Variants in CNOT11 observed in about 807,000 individuals in gnomAD.
CNOT11 encodes the protein UPF0760 protein C2orf29.
Under a neutral mutation model 44.6 loss-of-function variants are expected in CNOT11, and 18 were observed. The ratio of observed to expected loss-of-function variants is 0.40; its 90% confidence interval spans 0.28 to 0.60. The LOEUF (loss-of-function observed/expected upper bound fraction) is 0.60, where lower values mean the gene tolerates loss of function less well. CNOT11 is among the 20% of genes least tolerant of loss of function. The probability of loss-of-function intolerance (pLI) is 0.38; values close to 1 mark genes in which losing one functional copy is unlikely to be tolerated. For missense variants in CNOT11, 513 were observed against 677.0 expected (o/e 0.76, Z 2.69); for synonymous variants, 291 against 270.9 (o/e 1.07, Z -0.73).
In CNOT11 at chr2:101,267,509, C is replaced by CTG. The variant is rs370036516; in HGVS notation, c.1238+632_1238+633dup. On this transcript the variant is annotated intron_variant, in intron 5 of 6. Transcript: ENST00000289382. ...ACTATTTTTTCTTAGTGACTAACAG[C>CTG]TGTAAGTGTGGAAAAATATGGACCT... 5.9e-3 allele frequency among the ~76,000 whole-genome samples: 903 copies of CTG among 152,174 alleles called. 14 individuals carry two copies. The highest frequency in any genetic ancestry group is 0.039 in the South Asian group (188 of 4,820).
intron 2 of CNOT11, among the ~76,000 whole-genome samples, chr2:101,259,547 C>A (rs1681805963): frequency 1.3e-5 from 2 of 152,204 alleles, no homozygotes; most frequent in Admixed American, 1.3e-4. Context: ...AGCAACTCAA[C>A]AGGGAAATTG....
intron 3 of CNOT11, among the ~76,000 whole-genome samples, chr2:101,263,378 A>G (rs1434476581): frequency 6.6e-6 from 1 of 152,182 alleles, no homozygotes; most frequent in Admixed American, 6.5e-5. Context: ...ATTCAAAGAA[A>G]ACACTTGTAG....
intron 2 of CNOT11, among the ~76,000 whole-genome samples, chr2:101,260,503 G>A (rs1414748447): frequency 6.6e-6 from 1 of 152,026 alleles, no homozygotes; most frequent in East Asian, 1.9e-4. Context: ...GCAGATGTCC[G>A]GATCCATTCC....
chr2:101,255,877 C>T (rs1681726733), intron 1 of CNOT11, among the ~76,000 whole-genome samples: 1 of 152,102 alleles, frequency 6.6e-6, no homozygotes, highest in Non-Finnish European at 1.5e-5. Context: ...GTAGCTCATG[C>T]CTGCAATCCC....
chr2:101,264,377 C>T (rs1293558501), intron 3 of CNOT11, among the ~76,000 whole-genome samples: 4 of 152,196 alleles, frequency 2.6e-5, no homozygotes, highest in African/African-American at 7.2e-5. Flanking sequence ...GCTGCTTCAT[C>T]GCCACGTAAT....
At position 101,269,490 on chromosome 2, in the gene CNOT11, G is replaced by A. The variant is rs1279687229; in HGVS notation, c.*77G>A. 4 of 1,326,058 alleles carry A rather than the reference G, an allele frequency of 3.0e-6. No homozygotes were observed. The highest frequency in any genetic ancestry group is 2.5e-5 in the South Asian group (2 of 80,158). The allele number at this position is 1,326,058 out of a possible 1,614,324, so 82.1% of individuals were successfully genotyped here. On this transcript the variant is annotated 3_prime_UTR_variant, in exon 7 of 7. Transcript: ENST00000289382. This position sits in a 1 kb window ranked among gnomAD's most constrained non-coding sequence, Gnocchi z 4.8. ...AGTTTTTACACCGTTAAAACCCTGA[G>A]TGGATTGCTTGGTTTAATGCATATA...
In CNOT11 at chr2:101,268,278, C is replaced by T. The variant is rs558456141; in HGVS notation, c.1239-762C>T. On this transcript the variant is annotated intron_variant, in intron 5 of 6. Transcript: ENST00000289382. Reference sequence around the variant, plus strand: ...GTGGCCCAGTTCTGTGCAGGTCCTCCGGATTGACCACGCTGAGTGTTCACT... The same window carrying T: ...GTGGCCCAGTTCTGTGCAGGTCCTCTGGATTGACCACGCTGAGTGTTCACT... Among the ~76,000 whole-genome samples, 9 of 152,308 alleles carry T rather than the reference C, an allele frequency of 5.9e-5. No individual in the cohort carries two copies. In the East Asian group the frequency reaches 7.7e-4, roughly 13 times the overall value.
At chr2:101,260,830 T>C (rs1448665689) in intron 2 of CNOT11, among the ~76,000 whole-genome samples, 1 of 152,172 alleles carries the variant, frequency 6.6e-6, no homozygotes, top group East Asian at 1.9e-4. Context: ...TTTATCTTTT[T>C]TTTTTTTTCA....
chr2:101,258,012 T>C (rs1257839510), intron 2 of CNOT11, 57 bp downstream of exon 2: 18 of 1,481,968 alleles, frequency 1.2e-5, no homozygotes, highest in East Asian at 4.6e-5. Context: ...GCCTCTCTTG[T>C]TGAGGACTCT....
rs115373004 is a variant in CNOT11 at position 101,268,383 on chromosome 2, A to C, written c.1239-657A>C. ...GAGTCCAAGATGCAGAATCACTTAC[A>C]TCTTTTTATCAATGTGATTCTATCT... On this transcript the variant is annotated intron_variant, in intron 5 of 6. Coordinates refer to ENST00000289382, the MANE Select transcript of CNOT11 (RefSeq NM_017546.5). Among the ~76,000 whole-genome samples the C allele has an allele frequency of 6.3e-3, 960 of 152,294 alleles. 4 individuals are homozygous for C. Among genetic ancestry groups the C allele is most frequent in the African/African-American group, 0.022 (917 of 41,578 alleles).
rs1283758021 is a variant in CNOT11 at position 101,253,319 on chromosome 2, C to T, written c.355C>T (p.Pro119Ser). 6.2e-7 allele frequency: 1 copy of T among 1,608,000 alleles called. No homozygotes were observed. The highest frequency in any genetic ancestry group is 8.5e-7 in the Non-Finnish European group (1 of 1,179,272). The stretch of plus-strand genomic sequence containing the variant: ...GCTGCTCCAGCAGCCCGACCTGCTG[C>T]CTAGCGCGGCGCAGCGCCTCACGGC... ...VMLLQQPDLL[P>S]SAAQRLTALY... Residue 119 changes from proline to serine, a missense_variant, in exon 1 of 7, where the codon CCT (proline) becomes TCT (serine). This residue lies in a region of CNOT11 where 259 missense variants were observed against 265.7 expected (regional missense o/e 0.97). Transcript: ENST00000289382. The surrounding 1 kb of genome is among the most constrained non-coding windows in gnomAD (Gnocchi z 4.3).
chr2:101,256,931 C>T (rs1681745302), intron 1 of CNOT11, among the ~76,000 whole-genome samples: 1 of 152,010 alleles, frequency 6.6e-6, no homozygotes, highest in Non-Finnish European at 1.5e-5. Flanking sequence ...CGCCTGTAGT[C>T]CCAGCTACTC....
intron 3 of CNOT11, 70 bp downstream of exon 3, chr2:101,262,761 T>C (rs1681897428): frequency 8.0e-7 from 1 of 1,244,040 alleles, no homozygotes; most frequent in African/African-American, 1.5e-5. Flanking sequence ...GACTTTTCAG[T>C]TTTTGAGACA....
chr2:101,269,642 G>A lies in CNOT11; in HGVS notation c.*229G>A. ...GTCTTGCTGATGACTATCCATAGGA[G>A]GAATGGCTATCCCAAAAAAAGTTCC... On this transcript the variant is annotated 3_prime_UTR_variant, in exon 7 of 7. Transcript: ENST00000289382. The surrounding 1 kb of genome is among the most constrained non-coding windows in gnomAD (Gnocchi z 4.8). 2.7e-6 allele frequency: 1 copy of A among 375,726 alleles called. No homozygotes were observed. The highest frequency in any genetic ancestry group is 4.7e-6 in the Non-Finnish European group (1 of 211,536). The allele number at this position is 375,726 out of a possible 1,614,324, so 23.3% of individuals were successfully genotyped here. A position where few individuals can be genotyped will look rare whatever the true frequency, so the allele number is the denominator to read the frequency against.
rs1375166368 is a variant in CNOT11, at chr2:101,253,921, CT to C, written c.514+445del. On this transcript the variant is annotated intron_variant, in intron 1 of 6. Transcript: ENST00000289382. The surrounding 1 kb of genome is among the most constrained non-coding windows in gnomAD (Gnocchi z 4.3). Reference sequence around the variant, plus strand: ...GTGGGCGGAAATACACATGAAACACCTTAAAGACTTTGCAGCCGCCTTTCTT... The same window carrying C: ...GTGGGCGGAAATACACATGAAACACCTAAAGACTTTGCAGCCGCCTTTCTT... Among the ~76,000 whole-genome samples, 1 of 152,168 alleles carries C rather than the reference CT, an allele frequency of 6.6e-6. No homozygotes were observed. Among genetic ancestry groups the C allele is most frequent in the Non-Finnish European group, 1.5e-5 (1 of 68,028 alleles).
At chr2:101,265,074 TATC>T (rs1681951146) in intron 4 of CNOT11, 27 bp downstream of exon 4, 3 of 1,412,866 alleles carry the variant, frequency 2.1e-6, no homozygotes, top group Non-Finnish European at 2.8e-6. Flanking sequence ...AGCATTTTCT[TATC>T]TTTTTTTTTA....
At chr2:101,263,217 GAA>G (rs915454044) in intron 3 of CNOT11, among the ~76,000 whole-genome samples, 1 of 140,966 alleles carries the variant, frequency 7.1e-6, no homozygotes. Flanking sequence ...TCTCAAAAAG[GAA>G]AAAAAAAAAA....
At chr2:101,266,981 G>A (rs1344167484) in intron 5 of CNOT11, 102 bp downstream of exon 5, 4 of 793,880 alleles carry the variant, frequency 5.0e-6, no homozygotes, top group Non-Finnish European at 6.2e-6. Context: ...ATTGGCGTAA[G>A]ATTAACTATT....
rs374678794 is a variant in CNOT11, at chr2:101,257,968, C to G, written c.679+13C>G. The G allele has an allele frequency of 2.5e-6, 4 of 1,607,674 alleles. No individual in the cohort carries two copies. The African/African-American group carries it at 4.0e-5, about 16-fold the overall frequency. On this transcript the variant is annotated intron_variant, in intron 2 of 6. Coordinates refer to ENST00000289382, the MANE Select transcript of CNOT11 (RefSeq NM_017546.5). The stretch of plus-strand genomic sequence containing the variant: ...TTAGCCTTGGCCGGTAAGGAGGAAT[C>G]AGTGTTTTGGGCATTTCTGTGTGGT...
Sources: allele counts gnomAD v4.1 joint callset (sites outside exome capture counted in the v4.1 genomes callset), GRCh38; gene constraint gnomAD v4.1.1; regional missense constraint gnomAD v4.1.1; non-coding constraint Gnocchi (gnomAD v3.1); transcripts MANE v1.5; gene names NCBI Gene and HGNC (gene_info 2026-07-23, HGNC 2026-07-21).